Variants in ANKMY1 observed in about 807,000 individuals in gnomAD.
ANKMY1 encodes the protein ankyrin repeat and MYND domain-containing protein 1.
In ANKMY1, 98 loss-of-function variants were observed where a neutral mutation model predicts 102.0. The ratio of observed to expected loss-of-function variants is 0.96; its 90% CI spans 0.82 to 1.14. The LOEUF (loss-of-function observed/expected upper bound fraction) is 1.14. Among genes scored for constraint, ANKMY1 ranks in the 50% most tolerant of loss-of-function variants. ANKMY1 has a pLI of 0.00. For missense variants in ANKMY1, 1,330 were observed against 1,347.6 expected, an observed-to-expected ratio of 0.99 and a Z score of 0.20; for synonymous variants, 582 against 559.9, an observed-to-expected ratio of 1.04 and a Z score of -0.56.
intron 13 of ANKMY1, among the ~76,000 whole-genome samples, chr2:240,500,991 C>T (rs767200636): frequency 3.3e-5 from 5 of 152,168 alleles, no homozygotes; most frequent in South Asian, 2.1e-4. Context: ...AGCGAGTGCA[C>T]GCGTATGCTT....
At chr2:240,546,157 A>T (rs2090322382) in intron 4 of ANKMY1, among the ~76,000 whole-genome samples, 1 of 152,244 alleles carries the variant, frequency 6.6e-6, no homozygotes, top group Admixed American at 6.5e-5. Context: ...CTAACAGTGG[A>T]TCTCTCGGCA....
intron 9 of ANKMY1, among the ~76,000 whole-genome samples, chr2:240,517,798 C>T (rs538965711): frequency 6.6e-6 from 1 of 152,036 alleles, no homozygotes; most frequent in South Asian, 2.1e-4. Flanking sequence ...AGAGTGGGAC[C>T]CTGCCTCAAA....
At chr2:240,508,759 GATGAATGAATGA>G (rs71049505) in intron 12 of ANKMY1, among the ~76,000 whole-genome samples, 1 of 151,276 alleles carries the variant, frequency 6.6e-6, no homozygotes, top group Non-Finnish European at 1.5e-5. Context: ...ATGATAGATG[GATGAATGAATGA>G]ATGAATGAAT....
intron 12 of ANKMY1, among the ~76,000 whole-genome samples, chr2:240,508,237 G>A (rs973130991): frequency 5.9e-5 from 9 of 152,240 alleles, no homozygotes; most frequent in African/African-American, 2.2e-4. Context: ...GGCCAGACAC[G>A]GGTCCTTAGT....
intron 9 of ANKMY1, among the ~76,000 whole-genome samples, chr2:240,514,942 C>T (rs1329963897): frequency 6.6e-6 from 1 of 152,226 alleles, no homozygotes; most frequent in Non-Finnish European, 1.5e-5. Context: ...CTTGTGTCTG[C>T]CACAGTGCTG....
intron 4 of ANKMY1, among the ~76,000 whole-genome samples, chr2:240,552,535 T>TTACTGTAAATTA (rs1400656143): frequency 6.6e-6 from 1 of 152,224 alleles, no homozygotes; most frequent in Non-Finnish European, 1.5e-5. Flanking sequence ...TGGGTGAATT[T>TTACTGTAAATTA]TACTGTAAAT....
chr2:240,554,994 C>A lies in ANKMY1; in HGVS notation c.208G>T (p.Asp70Tyr). 6.2e-7 allele frequency: 1 copy of A among 1,614,214 alleles called. No individual in the cohort carries two copies. Among genetic ancestry groups the A allele is most frequent in the Non-Finnish European group, 8.5e-7 (1 of 1,180,028 alleles). The change falls in exon 3 of 18, where the codon GAC becomes TAC. Residue 70 changes from aspartate to tyrosine, a missense_variant. Transcript: ENST00000401804. The part of the protein sequence containing the change: ...EEAEGPLRAQ[D>Y]LRESYIQLVQ... The stretch of plus-strand genomic sequence containing the variant: ...AGCTGGATGTAGGACTCCCTCAGGT[C>A]CTGCGCCCTCAGCGGGCCCTCAGCT...
rs61057660 is a variant in ANKMY1, at chr2:240,526,743, T to C, written c.954-298A>G. The C allele has an allele frequency of 5.0e-3, 6,613 of 1,317,940 alleles. 296 individuals carry two copies. In the African/African-American group the frequency reaches 0.087, roughly 17 times the overall value. 81.6% of individuals were successfully genotyped at this position (1,317,940 alleles called of 1,614,324 possible). On this transcript the variant is annotated intron_variant, in intron 5 of 17. Coordinates refer to ENST00000401804, the MANE Select transcript of ANKMY1 (RefSeq NM_001282771.3). ...CATGCATCTCTGATTCATCTGGGTG[T>C]TTGCTAAGAAATGGGCTGTAACAGC...
chr2:240,524,494 C>T, intron 7 of ANKMY1, 113 bp from the exon 8 acceptor site: 1 of 1,249,044 alleles, frequency 8.0e-7, no homozygotes, highest in South Asian at 1.6e-5. Context: ...TTCAAAGCAG[C>T]TAGGCTGAAA....
downstream of ANKMY1, among the ~76,000 whole-genome samples, chr2:240,476,830 A>G (rs2074887894): frequency 6.6e-6 from 1 of 152,256 alleles, no homozygotes; most frequent in Non-Finnish European, 1.5e-5. Context: ...ACATAAGCCC[A>G]GCAAGGGACT....
intron 15 of ANKMY1, among the ~76,000 whole-genome samples, chr2:240,498,995 C>T (rs1459829673): frequency 6.6e-6 from 1 of 152,198 alleles, no homozygotes; most frequent in Non-Finnish European, 1.5e-5. Context: ...GCCTATTAAA[C>T]CTCTTTTCTA....
At position 240,520,975 on chromosome 2, in the gene ANKMY1, C is replaced by CCACAAAGA. The variant is rs1200566879; in HGVS notation, c.1833-450_1833-443dup. Among the ~76,000 whole-genome samples the CCACAAAGA allele has an allele frequency of 6.6e-6, 1 of 151,952 alleles. No individual in the cohort carries two copies. The highest frequency in any genetic ancestry group is 1.5e-5 in the Non-Finnish European group (1 of 67,948). ...ACACACACCACACACACCACTCACA[C>CCACAAAGA]CACAAAGACACAAACACACAGGCGC... On this transcript the variant is annotated intron_variant, in intron 8 of 17. Transcript: ENST00000401804. This position sits in a 1 kb window ranked among gnomAD's most constrained non-coding sequence, Gnocchi z 4.8.
chr2:240,528,293 A>ACC (rs562534743), intron 5 of ANKMY1, among the ~76,000 whole-genome samples: 1,280 of 78,942 alleles, frequency 0.016, 4 homozygotes, highest in Middle Eastern at 0.032. Context: ...GCCTGCCCCC[A>ACC]CCCCCCCCCC....
chr2:240,471,288 AT>A, the ANKMY1 span, among the ~76,000 whole-genome samples: 1 of 142,840 alleles, frequency 7.0e-6, no homozygotes. Flanking sequence ...GAGACAGAGT[AT>A]CTGTCTGTCA....
At chr2:240,487,412 G>A (rs916997565) in intron 15 of ANKMY1, among the ~76,000 whole-genome samples, 5 of 152,140 alleles carry the variant, frequency 3.3e-5, no homozygotes, top group African/African-American at 1.2e-4. Flanking sequence ...CCATATCATA[G>A]ATAGCTATTG....
At position 240,497,954 on chromosome 2, in the gene ANKMY1, C is replaced by A. The variant is rs184441560; in HGVS notation, c.2806+2004G>T. ...GCAACTTGCCTCTCCCTGCCTGGTC[C>A]TCCGCTCATGGGCCAGTACAAGCCT... On this transcript the variant is annotated intron_variant, in intron 15 of 17. Coordinates refer to ENST00000401804, the MANE Select transcript of ANKMY1 (RefSeq NM_001282771.3). Among the ~76,000 whole-genome samples, 194 of 152,300 alleles carry A rather than the reference C, an allele frequency of 1.3e-3. 2 individuals carry two copies. Among genetic ancestry groups the A allele is most frequent in the South Asian group, 6.2e-4 (3 of 4,832 alleles).
chr2:240,553,084 AT>A, intron 3 of ANKMY1, 27 bp from the exon 4 acceptor site: 1 of 1,609,214 alleles, frequency 6.2e-7, no homozygotes, highest in Non-Finnish European at 8.5e-7. Flanking sequence ...TTGGTGAGAA[AT>A]TGCTGCTCTT....
intron 4 of ANKMY1, among the ~76,000 whole-genome samples, chr2:240,548,327 A>G (rs2090847785): frequency 6.6e-6 from 1 of 152,220 alleles, no homozygotes; most frequent in African/African-American, 2.4e-5. Flanking sequence ...TTCACGCTAA[A>G]AACTCTCAAT....
Position 240,529,477 on chromosome 2 carries a change from T to A in ANKMY1, c.513A>T (p.Pro171=). Residue 171 remains proline, a synonymous_variant, in exon 5 of 18, where the codon CCA becomes CCT. Transcript: ENST00000401804. The surrounding 1 kb of genome is among the most constrained non-coding windows in gnomAD (Gnocchi z 4.2). The part of the protein sequence containing the change: ...GLYKADQRFG[P]GVETYPDGSQ... ...TGCCATCGGGGTAGGTCTCGACACC[T>A]GGCCCAAACCGCTGGTCCGCTTTGT... 1 of 1,613,768 alleles carries A rather than the reference T, an allele frequency of 6.2e-7. No individual in the cohort carries two copies. Among genetic ancestry groups the A allele is most frequent in the Non-Finnish European group, 8.5e-7 (1 of 1,179,908 alleles).
Sources: gnomAD v4.1 joint callset for allele counts (sites outside exome capture counted in the v4.1 genomes callset) on GRCh38, gnomAD v4.1.1 for gene constraint, Gnocchi (gnomAD v3.1) non-coding constraint, MANE v1.5 for transcripts, NCBI Gene and HGNC (gene_info 2026-07-23, HGNC 2026-07-21) for gene names.